The following TSHZ3 variants were observed in gnomAD, a reference collection of about 807,000 sequenced individuals.
TSHZ3 encodes teashirt zinc finger homeobox 3.
Under a neutral mutation model 64.5 loss-of-function variants are expected in TSHZ3, and 10 were observed. The ratio of observed to expected loss-of-function variants is 0.16; its 90% confidence interval spans 0.10 to 0.26. The LOEUF is 0.26. TSHZ3 is among the 10% of genes least tolerant of loss of function. The probability of loss-of-function intolerance (pLI) is 1.00; values close to 1 mark genes in which losing one functional copy is unlikely to be tolerated. For synonymous variants in TSHZ3, 608 were observed against 593.1 expected (o/e 1.03, Z -0.36); for missense variants, 1,242 against 1,421.7 (o/e 0.87, Z 2.03).
At chr19:31,297,290 G>C (rs974696059) in intron 1 of TSHZ3, among the ~76,000 whole-genome samples, 2 of 152,204 alleles carry the variant, frequency 1.3e-5, no homozygotes, top group Non-Finnish European at 2.9e-5. Flanking sequence ...ACTACTCGGG[G>C]TAGGCGTCTG....
intron 5 of TSHZ3, chr19:31,167,426 C>T (rs991363030): frequency 6.6e-6 from 1 of 152,086 alleles, no homozygotes; most frequent in Non-Finnish European, 1.5e-5. Context: ...TTTGTGTGTC[C>T]ATGGTGAGGT....
intron 1 of TSHZ3, among the ~76,000 whole-genome samples, chr19:31,287,210 G>A (rs914591849): frequency 1.3e-4 from 20 of 152,172 alleles, no homozygotes; most frequent in Admixed American, 1.0e-3. Context: ...GCTGTGTCCC[G>A]CTCCCCAATG....
At chr19:31,241,664 C>T (rs1348458088) in intron 3 of TSHZ3, among the ~76,000 whole-genome samples, 1 of 152,202 alleles carries the variant, frequency 6.6e-6, no homozygotes, top group Non-Finnish European at 1.5e-5. Flanking sequence ...AAACTCTGAC[C>T]TCATTCTCCT....
intron 1 of TSHZ3, among the ~76,000 whole-genome samples, chr19:31,264,854 G>T (rs1479088218): frequency 6.6e-6 from 1 of 152,138 alleles, no homozygotes; most frequent in Non-Finnish European, 1.5e-5. Context: ...GTCAACGAAG[G>T]TTCCTCTTTC....
At chr19:31,272,732 T>A (rs1976159506), downstream of TSHZ3, among the ~76,000 whole-genome samples, 1 of 152,220 alleles carries the variant, frequency 6.6e-6, no homozygotes, top group South Asian at 2.1e-4. Context: ...CATAGCACCA[T>A]AAATTAGTTA....
At chr19:31,311,764 C>T (rs1363402850) in intron 1 of TSHZ3, among the ~76,000 whole-genome samples, 1 of 152,126 alleles carries the variant, frequency 6.6e-6, no homozygotes, top group Admixed American at 6.5e-5. Flanking sequence ...CTCTCTGTTG[C>T]CCAGGCTGGA....
chr19:31,332,006 C>T (rs1917110129), intron 1 of TSHZ3, among the ~76,000 whole-genome samples: 1 of 152,120 alleles, frequency 6.6e-6, no homozygotes, highest in Non-Finnish European at 1.5e-5. Context: ...CCCTTCTCAA[C>T]CTCTCCCTTT....
intron 6 of TSHZ3, among the ~76,000 whole-genome samples, chr19:31,152,815 T>C (rs1974258832): frequency 6.6e-6 from 1 of 152,082 alleles, no homozygotes; most frequent in Non-Finnish European, 1.5e-5. Flanking sequence ...CAGAACCCAA[T>C]GGAGAGGCAT....
intron 1 of TSHZ3, among the ~76,000 whole-genome samples, chr19:31,348,661 C>G (rs2021592512): frequency 6.6e-6 from 1 of 152,196 alleles, no homozygotes; most frequent in African/African-American, 2.4e-5. Context: ...CTGTGCGCTC[C>G]GGGTTCCACC....
At chr19:31,323,518 T>A (rs888243408) in intron 1 of TSHZ3, among the ~76,000 whole-genome samples, 7 of 152,356 alleles carry the variant, frequency 4.6e-5, no homozygotes, top group African/African-American at 1.7e-4. Context: ...CTTTTCTTTA[T>A]CTTTGTTGTG....
At chr19:31,284,232 G>T (rs1976415339) in intron 1 of TSHZ3, among the ~76,000 whole-genome samples, 1 of 151,942 alleles carries the variant, frequency 6.6e-6, no homozygotes, top group Non-Finnish European at 1.5e-5. Flanking sequence ...CAGGAGCAAG[G>T]AGTTGTAACA....
At chr19:31,252,030 A>G (rs1354684991) in intron 1 of TSHZ3, among the ~76,000 whole-genome samples, 1 of 152,216 alleles carries the variant, frequency 6.6e-6, no homozygotes, top group East Asian at 1.9e-4. Flanking sequence ...GGCACAGGAC[A>G]TAGTGCTGGG....
intron 1 of TSHZ3, among the ~76,000 whole-genome samples, chr19:31,300,895 T>C (rs1288014647): frequency 6.6e-6 from 1 of 152,116 alleles, no homozygotes; most frequent in Non-Finnish European, 1.5e-5. Context: ...TGCGGAGCAC[T>C]GACAATACCG....
upstream of TSHZ3, among the ~76,000 whole-genome samples, chr19:31,350,470 AGGGCGGGACGG>A (rs1047373848): frequency 2.7e-5 from 4 of 150,020 alleles, no homozygotes; most frequent in East Asian, 4.2e-4. Flanking sequence ...GGCCGATCCT[AGGGCGGGACGG>A]GGGCGGGAGA....
intron 1 of TSHZ3, among the ~76,000 whole-genome samples, chr19:31,280,337 C>CT (rs993688645): frequency 0.011 from 1,649 of 144,964 alleles, 30 homozygotes; most frequent in African/African-American, 0.039. Context: ...GATTTTGTGG[C>CT]TTTTTTTTTT....
intron 1 of TSHZ3, among the ~76,000 whole-genome samples, chr19:31,257,605 A>C (rs1033025599): frequency 6.6e-5 from 10 of 152,220 alleles, no homozygotes; most frequent in Admixed American, 4.6e-4. Flanking sequence ...GCTGTTGGTC[A>C]GGCTGGCCCC....
intron 4 of TSHZ3, among the ~76,000 whole-genome samples, chr19:31,215,032 G>T (rs1975308437): frequency 6.6e-6 from 1 of 151,904 alleles, no homozygotes; most frequent in Non-Finnish European, 1.5e-5. Context: ...AAGTTGGCAG[G>T]TACCAAATAT....
At chr19:31,313,714 G>A (rs1354708239) in intron 1 of TSHZ3, among the ~76,000 whole-genome samples, 2 of 152,208 alleles carry the variant, frequency 1.3e-5, no homozygotes, top group African/African-American at 2.4e-5. Flanking sequence ...ATGCATGGCC[G>A]TAGCCATTCA....
chr19:31,157,730 G>T (rs555334803), intron 5 of TSHZ3, among the ~76,000 whole-genome samples: 6 of 152,348 alleles, frequency 3.9e-5, no homozygotes, highest in African/African-American at 1.4e-4. Context: ...ATCGCCTATG[G>T]GAGGGCCCAA....
Sources: gnomAD v4.1 joint callset for allele counts (sites outside exome capture counted in the v4.1 genomes callset) on GRCh38, gnomAD v4.1.1 for gene constraint, MANE v1.5 for transcripts, NCBI Gene and HGNC (gene_info 2026-07-23, HGNC 2026-07-21) for gene names.